The following PDE4B variants were observed in gnomAD, a reference collection of about 807,000 sequenced individuals.
The protein encoded by PDE4B is phosphodiesterase 4B.
In PDE4B, 20 loss-of-function variants were observed where a neutral mutation model predicts 82.2. The ratio of observed to expected loss-of-function variants is 0.24; its 90% confidence interval spans 0.17 to 0.35. The LOEUF (loss-of-function observed/expected upper bound fraction) is 0.35, where lower values mean the gene tolerates loss of function less well. Ranked by LOEUF, PDE4B falls within the 10% of genes least tolerant of loss-of-function variation. The pLI is 1.00. For missense variants in PDE4B, 655 were observed against 907.2 expected (o/e 0.72, Z 3.57); for synonymous variants, 320 against 318.9 (o/e 1.00, Z -0.04).
At chr1:66,269,140 GT>G (rs1166850504) in intron 7 of PDE4B, among the ~76,000 whole-genome samples, 1 of 152,148 alleles carries the variant, frequency 6.6e-6, no homozygotes, top group East Asian at 1.9e-4. Flanking sequence ...TTCAAATTGT[GT>G]TTTTTCACTG....
intron 7 of PDE4B, among the ~76,000 whole-genome samples, chr1:66,292,181 AG>A (rs1332969618): frequency 1.3e-5 from 2 of 152,224 alleles, no homozygotes; most frequent in Non-Finnish European, 2.9e-5. Context: ...ATTAAGGATA[AG>A]AAAAATTAAA....
At chr1:65,997,762 C>T (rs1344245722) in intron 3 of PDE4B, among the ~76,000 whole-genome samples, 1 of 152,278 alleles carries the variant, frequency 6.6e-6, no homozygotes, top group Admixed American at 6.5e-5. Context: ...AGAAAAAGCC[C>T]TTGTCTTCAA....
At chr1:66,036,484 G>A (rs1654068905) in intron 3 of PDE4B, among the ~76,000 whole-genome samples, 1 of 152,112 alleles carries the variant, frequency 6.6e-6, no homozygotes, top group Non-Finnish European at 1.5e-5. Flanking sequence ...TCCATTGTGA[G>A]TTTATTCTTG....
intron 3 of PDE4B, among the ~76,000 whole-genome samples, chr1:65,947,322 T>C (rs1227252808): frequency 6.6e-6 from 1 of 152,050 alleles, no homozygotes; most frequent in Non-Finnish European, 1.5e-5. Flanking sequence ...TTTGGTGTGC[T>C]TGGTGACTCT....
At chr1:65,813,595 A>C (rs1393940874) in intron 1 of PDE4B, among the ~76,000 whole-genome samples, 1 of 152,184 alleles carries the variant, frequency 6.6e-6, no homozygotes, top group Non-Finnish European at 1.5e-5. Context: ...ATAGTATGAA[A>C]AATGTGTGCC....
intron 3 of PDE4B, among the ~76,000 whole-genome samples, chr1:66,047,870 A>C (rs1337584379): frequency 1.3e-5 from 2 of 151,960 alleles, no homozygotes; most frequent in African/African-American, 4.8e-5. Flanking sequence ...CTGACAAGGG[A>C]AGTGTTGCTT....
intron 8 of PDE4B, among the ~76,000 whole-genome samples, chr1:66,347,915 G>A (rs1172626941): frequency 3.3e-5 from 5 of 152,114 alleles, no homozygotes; most frequent in African/African-American, 9.7e-5. Flanking sequence ...TGACCAATAC[G>A]TAAGGGTTAT....
chr1:66,150,008 T>A (rs1453732175), intron 3 of PDE4B, among the ~76,000 whole-genome samples: 4 of 152,236 alleles, frequency 2.6e-5, no homozygotes, highest in African/African-American at 9.6e-5. Flanking sequence ...TTGAAAAGAC[T>A]GTTCTTTCCC....
At chr1:66,309,949 C>G (rs1658551640) in intron 7 of PDE4B, among the ~76,000 whole-genome samples, 1 of 152,142 alleles carries the variant, frequency 6.6e-6, no homozygotes, top group South Asian at 2.1e-4. Context: ...CTGCCAGGCT[C>G]TCCCACTGTT....
At chr1:66,189,010 G>T (rs1382706768) in intron 3 of PDE4B, among the ~76,000 whole-genome samples, 1 of 152,100 alleles carries the variant, frequency 6.6e-6, no homozygotes, top group Non-Finnish European at 1.5e-5. Context: ...TCCTTCAGGA[G>T]CTCTTTTAGG....
intron 1 of PDE4B, among the ~76,000 whole-genome samples, chr1:65,856,931 C>T (rs1163995768): frequency 6.6e-6 from 1 of 152,196 alleles, no homozygotes; most frequent in African/African-American, 2.4e-5. Context: ...ATGCAACTGC[C>T]TTGTCAGTGG....
chr1:65,991,231 T>C (rs966687518), intron 3 of PDE4B, among the ~76,000 whole-genome samples: 4 of 151,862 alleles, frequency 2.6e-5, no homozygotes, highest in Non-Finnish European at 5.9e-5. Flanking sequence ...GTGTGTGCCG[T>C]CAAGCCTGGG....
intron 1 of PDE4B, among the ~76,000 whole-genome samples, chr1:65,803,988 T>A (rs1022447359): frequency 6.6e-6 from 1 of 152,260 alleles, no homozygotes; most frequent in African/African-American, 2.4e-5. Context: ...GCAAGGCTTG[T>A]GTCTTAGTTT....
rs770203220 is a variant in PDE4B at position 66,368,824 on chromosome 1, A to G, written c.1700A>G (p.Asn567Ser). ...ATGGTACACTGTGCAGACCTGAGCA[A>G]CCCCACCAAGTCCTTGGAATTGTAT... ...RNMVHCADLS[N>S]PTKSLELYRQ... Residue 567 changes from asparagine to serine, a missense_variant, in exon 16 of 17, where the codon AAC (asparagine) becomes AGC (serine). By Grantham distance (46) the Asn-to-Ser change is conservative. Transcript: ENST00000341517. 2.0e-5 allele frequency: 32 copies of G among 1,612,298 alleles called. No individual in the cohort carries two copies. Among genetic ancestry groups the G allele is most frequent in the Non-Finnish European group, 5.1e-6 (6 of 1,179,132 alleles).
chr1:66,089,364 C>G (rs1283619322), intron 3 of PDE4B, among the ~76,000 whole-genome samples: 2 of 152,074 alleles, frequency 1.3e-5, no homozygotes, highest in Non-Finnish European at 1.5e-5. Flanking sequence ...CTATCGCTCT[C>G]AGATTTGTGT....
At chr1:66,101,602 A>C (rs181392617) in intron 3 of PDE4B, among the ~76,000 whole-genome samples, 117 of 152,102 alleles carry the variant, frequency 7.7e-4, no homozygotes, top group African/African-American at 2.7e-3. Context: ...GCATTTTTTC[A>C]TGTGTCTGTT....
intron 7 of PDE4B, among the ~76,000 whole-genome samples, chr1:66,311,488 A>G (rs1658663748): frequency 6.6e-6 from 1 of 152,246 alleles, no homozygotes; most frequent in Non-Finnish European, 1.5e-5. Flanking sequence ...AGGTGCTGTG[A>G]GGAGGCCTTT....
At chr1:65,981,892 A>G (rs1650709920) in intron 3 of PDE4B, among the ~76,000 whole-genome samples, 1 of 152,130 alleles carries the variant, frequency 6.6e-6, no homozygotes, top group African/African-American at 2.4e-5. Flanking sequence ...CCTTAGAAAG[A>G]ACTAACTCAG....
intron 3 of PDE4B, among the ~76,000 whole-genome samples, chr1:66,052,439 TG>T (rs1655081960): frequency 1.3e-5 from 2 of 152,238 alleles, no homozygotes; most frequent in African/African-American, 4.8e-5. Context: ...CAAACCCACT[TG>T]TACAGATAAC....
Sources: gnomAD v4.1 joint callset for allele counts (sites outside exome capture counted in the v4.1 genomes callset) on GRCh38, gnomAD v4.1.1 for gene constraint, MANE v1.5 for transcripts, NCBI Gene and HGNC (gene_info 2026-07-23, HGNC 2026-07-21) for gene names.